The following MCTP1 variants were observed in gnomAD, a reference collection of about 807,000 sequenced individuals.
MCTP1 encodes the protein multiple C2 and transmembrane domain-containing protein 1.
A neutral mutation model predicts 120.6 loss-of-function variants in MCTP1; 69 were observed. That is an observed-to-expected ratio of 0.57 (90% CI 0.47 to 0.70). The LOEUF is 0.70. Among genes scored for constraint, MCTP1 ranks in the 30% least tolerant of loss-of-function variants. The pLI is 0.00. For synonymous variants in MCTP1, 529 were observed against 493.1 expected (o/e 1.07, Z -0.96); for missense variants, 1,203 against 1,248.8 (o/e 0.96, Z 0.55).
intron 1 of MCTP1, among the ~76,000 whole-genome samples, chr5:95,106,238 G>A (rs1382914879): frequency 6.6e-6 from 1 of 152,158 alleles, no homozygotes; most frequent in African/African-American, 2.4e-5. Flanking sequence ...GGCATGACAA[G>A]GTCACCTCAG....
intron 1 of MCTP1, among the ~76,000 whole-genome samples, chr5:95,040,765 G>T (rs1465923568): frequency 6.6e-6 from 1 of 152,174 alleles, no homozygotes; most frequent in Non-Finnish European, 1.5e-5. Flanking sequence ...CTGATTCAGG[G>T]TTGGGTATGT....
chr5:95,128,016 G>A (rs1468482780), intron 1 of MCTP1, among the ~76,000 whole-genome samples: 1 of 152,194 alleles, frequency 6.6e-6, no homozygotes, highest in Non-Finnish European at 1.5e-5. Context: ...AGAAAGCCAT[G>A]CGAGGGCTTA....
At chr5:95,240,267 A>T (rs1247149140) in intron 1 of MCTP1, among the ~76,000 whole-genome samples, 1 of 152,194 alleles carries the variant, frequency 6.6e-6, no homozygotes, top group Non-Finnish European at 1.5e-5. Flanking sequence ...TTATATCTAC[A>T]ATGCTTACCT....
intron 2 of MCTP1, among the ~76,000 whole-genome samples, chr5:94,993,473 A>C (rs1462984299): frequency 6.6e-6 from 1 of 152,216 alleles, no homozygotes. Flanking sequence ...CCATGACTTT[A>C]CATTTCAAAG....
intron 1 of MCTP1, among the ~76,000 whole-genome samples, chr5:95,250,552 T>C (rs1227509496): frequency 6.6e-6 from 1 of 152,172 alleles, no homozygotes; most frequent in African/African-American, 2.4e-5. Flanking sequence ...AGAGTCAGGC[T>C]GATATAAGTT....
At chr5:94,919,163 G>T (rs1274391275) in intron 7 of MCTP1, among the ~76,000 whole-genome samples, 1 of 152,170 alleles carries the variant, frequency 6.6e-6, no homozygotes, top group African/African-American at 2.4e-5. Flanking sequence ...TAGGCGGGTG[G>T]TAATAACCCT....
intron 17 of MCTP1, among the ~76,000 whole-genome samples, chr5:94,801,519 T>C (rs1296953265): frequency 6.6e-6 from 1 of 152,236 alleles, no homozygotes; most frequent in Non-Finnish European, 1.5e-5. Context: ...TTTTGGATAT[T>C]ATGGTCTTTT....
At position 95,057,451 on chromosome 5, in the gene MCTP1, T is replaced by A. The variant is rs370304952; in HGVS notation, c.721-39967A>T. ...AGTATTAGATACACTTTACTTTCCA[T>A]ATTAGATATAATTTACTAAAAAATT... On this transcript the variant is annotated intron_variant, in intron 1 of 22. Transcript: ENST00000515393. 4.6e-5 allele frequency among the ~76,000 whole-genome samples: 7 copies of A among 152,350 alleles called. No homozygotes were observed. In the East Asian group the frequency reaches 1.3e-3, roughly 29 times the overall value.
At chr5:95,062,810 G>GT (rs5869670) in intron 1 of MCTP1, among the ~76,000 whole-genome samples, 2 of 151,776 alleles carry the variant, frequency 1.3e-5, no homozygotes, top group Admixed American at 6.6e-5. Flanking sequence ...TTGTTTTTTT[G>GT]TTTTTTTTGT....
chr5:94,984,658 C>T (rs948214000), intron 2 of MCTP1, among the ~76,000 whole-genome samples: 2 of 152,126 alleles, frequency 1.3e-5, no homozygotes, highest in African/African-American at 2.4e-5. Flanking sequence ...ACAATGGACA[C>T]ATGACCTTAG....
At chr5:94,732,802 CAG>C (rs1329543656) in intron 19 of MCTP1, among the ~76,000 whole-genome samples, 11 of 152,156 alleles carry the variant, frequency 7.2e-5, no homozygotes, top group African/African-American at 2.2e-4. Flanking sequence ...CTGGATCTGC[CAG>C]AGTCTCGATC....
intron 1 of MCTP1, among the ~76,000 whole-genome samples, chr5:95,155,943 TGAAG>T (rs1745073168): frequency 6.6e-6 from 1 of 152,316 alleles, no homozygotes; most frequent in South Asian, 2.1e-4. Context: ...CCACTGGCTT[TGAAG>T]ACATAAGCTC....
chr5:95,224,703 T>A (rs75418657), intron 1 of MCTP1, among the ~76,000 whole-genome samples: 19,951 of 152,048 alleles, frequency 0.13, 1,677 homozygotes, highest in Middle Eastern at 0.18. Flanking sequence ...AGAAATGTGG[T>A]TTCACTATGT....
At chr5:95,102,443 G>A (rs561745616) in intron 1 of MCTP1, among the ~76,000 whole-genome samples, 1 of 152,338 alleles carries the variant, frequency 6.6e-6, no homozygotes, top group East Asian at 1.9e-4. Context: ...AAGCCACAAA[G>A]TTGAAGGGTG....
chr5:94,996,211 T>A (rs1832586890), intron 2 of MCTP1, among the ~76,000 whole-genome samples: 2 of 152,334 alleles, frequency 1.3e-5, no homozygotes, highest in South Asian at 4.1e-4. Context: ...TGAAAAAATT[T>A]GTATACATGT....
intron 1 of MCTP1, among the ~76,000 whole-genome samples, chr5:95,228,399 C>T (rs1036826240): frequency 2.0e-5 from 3 of 149,560 alleles, no homozygotes; most frequent in South Asian, 2.1e-4. Flanking sequence ...AAGAGAGAAA[C>T]GTAAAAGTTA....
chr5:94,988,038 C>A (rs1830731923), intron 2 of MCTP1, among the ~76,000 whole-genome samples: 1 of 152,140 alleles, frequency 6.6e-6, no homozygotes, highest in South Asian at 2.1e-4. Flanking sequence ...TCACTCCATG[C>A]ATTACGAATA....
intron 1 of MCTP1, among the ~76,000 whole-genome samples, chr5:95,053,958 C>T (rs929012827): frequency 2.0e-5 from 3 of 152,190 alleles, no homozygotes; most frequent in African/African-American, 7.2e-5. Context: ...CCAAACTTGC[C>T]GTATCATAAG....
chr5:95,253,632 A>G (rs1757598629), intron 1 of MCTP1, among the ~76,000 whole-genome samples: 1 of 152,146 alleles, frequency 6.6e-6, no homozygotes, highest in Non-Finnish European at 1.5e-5. Flanking sequence ...TTATAACTAA[A>G]GAACACATCT....
Sources: allele counts gnomAD v4.1 joint callset (sites outside exome capture counted in the v4.1 genomes callset), GRCh38; gene constraint gnomAD v4.1.1; transcripts MANE v1.5; gene names NCBI Gene and HGNC (gene_info 2026-07-23, HGNC 2026-07-21).